Variants in RIBC2 observed in about 807,000 individuals in gnomAD.
The protein encoded by RIBC2 is RIB43A domain with coiled-coils 2, also known as RIB43A-like with coiled-coils protein 2.
A neutral mutation model predicts 44.3 loss-of-function variants in RIBC2; 40 were observed. The ratio of observed to expected loss-of-function variants is 0.90; its 90% CI spans 0.70 to 1.18. The LOEUF (loss-of-function observed/expected upper bound fraction) is 1.18, where lower values mean the gene tolerates loss of function less well. Ranked by LOEUF, RIBC2 falls within the 50% of genes most tolerant of loss-of-function variation. The pLI, the probability that RIBC2 is intolerant of heterozygous loss-of-function variation, is 0.00. For missense variants in RIBC2, 459 were observed against 485.5 expected (o/e 0.95, Z 0.51); for synonymous variants, 171 against 175.0 (o/e 0.98, Z 0.18).
intron 5 of RIBC2, among the ~76,000 whole-genome samples, chr22:45,427,570 A>G (rs574675411): frequency 5.9e-5 from 9 of 152,376 alleles, no homozygotes; most frequent in African/African-American, 2.2e-4. Flanking sequence ...GCAGCTGGAT[A>G]TGTAACATAG....
intron 2 of RIBC2, among the ~76,000 whole-genome samples, chr22:45,417,153 G>A (rs1270853877): frequency 1.3e-5 from 2 of 151,960 alleles, no homozygotes; most frequent in African/African-American, 2.4e-5. Context: ...CGCCCACCTC[G>A]GGCTCCCAAA....
rs945252889 is a variant in RIBC2, at chr22:45,431,036, A to C, written c.1040A>C (p.Asn347Thr). The C allele has an allele frequency of 6.3e-7, 1 of 1,582,364 alleles. No individual in the cohort carries two copies. The highest frequency in any genetic ancestry group is 8.6e-7 in the Non-Finnish European group (1 of 1,164,536). Residue 347 changes from asparagine (N) to threonine (T), a missense_variant, in exon 6 of 7, where the codon AAC (asparagine) becomes ACC (threonine). Coordinates refer to ENST00000614167, the MANE Select transcript of RIBC2 (RefSeq NM_015653.5). The part of the protein sequence containing the change: ...RDLRRALDSS[N>T]LSLAKEQHLQ... ...CTGCGCAGAGCTCTGGACAGCAGCA[A>C]CCTCAGCCTGGCCAAGGAGCAGCAT...
At chr22:45,414,962 C>CT (rs2087406581) in intron 2 of RIBC2, among the ~76,000 whole-genome samples, 1 of 152,100 alleles carries the variant, frequency 6.6e-6, no homozygotes, top group African/African-American at 2.4e-5. Context: ...CACCCTCAAG[C>CT]TGACTCAGAG....
chr22:45,428,873 A>C (rs771478774), intron 5 of RIBC2, among the ~76,000 whole-genome samples: 6 of 152,168 alleles, frequency 3.9e-5, no homozygotes, highest in Non-Finnish European at 8.8e-5. Flanking sequence ...CCCAGAGAGC[A>C]CTGTCAGGGT....
intron 4 of RIBC2, among the ~76,000 whole-genome samples, chr22:45,424,163 A>G (rs2087511872): frequency 1.3e-5 from 2 of 152,170 alleles, no homozygotes; most frequent in East Asian, 1.9e-4. Context: ...CATTGCAAAC[A>G]CTCCTGCACT....
Position 45,426,009 on chromosome 22 carries a change from C to T in RIBC2, c.737C>T (p.Ala246Val). The change falls in exon 5 of 7, where the codon GCC (alanine) becomes GTC (valine). Residue 246 changes from alanine (A) to valine (V), a missense_variant. Ala to Val is a moderately conservative substitution (Grantham distance 64, BLOSUM62 0). Coordinates refer to ENST00000614167, the MANE Select transcript of RIBC2 (RefSeq NM_015653.5). ...EKKQEQEDNL[A>V]EITNLLRGDL... ...AAGCAAGAACAAGAGGACAACTTGG[C>T]CGAGATCACCAACCTCCTGCGTGGG... The T allele has an allele frequency of 6.2e-7, 1 of 1,614,094 alleles. No homozygotes were observed. The highest frequency in any genetic ancestry group is 8.5e-7 in the Non-Finnish European group (1 of 1,180,030).
At chr22:45,416,807 T>C (rs1361378826) in intron 2 of RIBC2, among the ~76,000 whole-genome samples, 2 of 152,054 alleles carry the variant, frequency 1.3e-5, no homozygotes, top group African/African-American at 4.8e-5. Context: ...TGTGTGCCAT[T>C]ATTAGCATTT....
Position 45,413,948 on chromosome 22 carries a change from C to A in RIBC2, c.62C>A (p.Ala21Glu). Residue 21 changes from alanine to glutamate, a missense_variant, in exon 1 of 7, where the codon GCA (alanine) becomes GAA (glutamate). Ala to Glu is a moderately radical substitution (Grantham distance 107). Coordinates refer to ENST00000614167, the MANE Select transcript of RIBC2 (RefSeq NM_015653.5). ...PRDLRQDANL[A>E]KRRHAELCRQ... ...GACTTGCGGCAGGACGCCAACCTGG[C>A]AAAGAGGAGGCACGCGGAGCTGTGC... 1 of 1,551,672 alleles carries A rather than the reference C, an allele frequency of 6.4e-7. No individual in the cohort carries two copies. Among genetic ancestry groups the A allele is most frequent in the Non-Finnish European group, 8.7e-7 (1 of 1,146,978 alleles).
chr22:45,420,875 A>T (rs1334602610), intron 3 of RIBC2, among the ~76,000 whole-genome samples: 1 of 152,190 alleles, frequency 6.6e-6, no homozygotes, highest in Non-Finnish European at 1.5e-5. Context: ...GTCCATTCCC[A>T]AAACAGCAGT....
At chr22:45,415,389 T>C (rs1411693850) in intron 2 of RIBC2, among the ~76,000 whole-genome samples, 2 of 152,070 alleles carry the variant, frequency 1.3e-5, no homozygotes, top group Non-Finnish European at 2.9e-5. Context: ...AGGGATAGAA[T>C]TATGAGTAAA....
chr22:45,415,980 A>G (rs2087421375), intron 2 of RIBC2, among the ~76,000 whole-genome samples: 1 of 152,326 alleles, frequency 6.6e-6, no homozygotes, highest in African/African-American at 2.4e-5. Flanking sequence ...GATTACAGGC[A>G]TGAGCCACCA....
At chr22:45,421,340 A>C in intron 3 of RIBC2, among the ~76,000 whole-genome samples, 1 of 146,898 alleles carries the variant, frequency 6.8e-6, no homozygotes, top group East Asian at 2.0e-4. Flanking sequence ...TATTAATAAT[A>C]ATAATTAAAT....
chr22:45,414,507 AT>A (rs928078590), intron 2 of RIBC2, 104 bp downstream of exon 2: 47 of 698,734 alleles, frequency 6.7e-5, no homozygotes, highest in Non-Finnish European at 8.4e-5. Flanking sequence ...TTTATTTTTT[AT>A]TTTTTTTATT....
rs116476237 is a variant in RIBC2 at position 45,431,038 on chromosome 22, C to T, written c.1042C>T (p.Leu348Phe). The T allele has an allele frequency of 2.2e-3, 3,402 of 1,581,014 alleles. 64 individuals carry two copies. In the African/African-American group the frequency reaches 0.04, roughly 19 times the overall value. Residue 348 changes from leucine (L) to phenylalanine (F), a missense_variant, in exon 6 of 7, where the codon CTC (leucine) becomes TTC (phenylalanine). Coordinates refer to ENST00000614167, the MANE Select transcript of RIBC2 (RefSeq NM_015653.5). ...DLRRALDSSN[L>F]SLAKEQHLQK... The stretch of plus-strand genomic sequence containing the variant: ...GCGCAGAGCTCTGGACAGCAGCAAC[C>T]TCAGCCTGGCCAAGGAGCAGCATTT...
At chr22:45,423,827 G>A (rs1255043053) in intron 4 of RIBC2, among the ~76,000 whole-genome samples, 1 of 152,162 alleles carries the variant, frequency 6.6e-6, no homozygotes, top group Non-Finnish European at 1.5e-5. Flanking sequence ...ACCAAAGAGG[G>A]GAGGCTGTTT....
In RIBC2 at chr22:45,417,837, G is replaced by C; in HGVS notation, c.447G>C (p.Glu149Asp). Reference protein sequence around the residue: ...TISGMQKFMGEDLNFHERKKF... With the variant: ...TISGMQKFMGDDLNFHERKKF... ...CAGGAATGCAGAAATTCATGGGAGA[G>C]GATTTAAACTTCCATGAGAGGAAGA... The change falls in exon 3 of 7, where the codon GAG (glutamate) becomes GAC (aspartate). Residue 149 changes from glutamate to aspartate, a missense_variant. Glu to Asp is a conservative substitution (Grantham distance 45). Transcript: ENST00000614167. The C allele has an allele frequency of 6.2e-7, 1 of 1,614,044 alleles. No homozygotes were observed. Among genetic ancestry groups the C allele is most frequent in the Non-Finnish European group, 8.5e-7 (1 of 1,179,962 alleles).
At chr22:45,415,046 A>G (rs575004021) in intron 2 of RIBC2, among the ~76,000 whole-genome samples, 1 of 152,276 alleles carries the variant, frequency 6.6e-6, no homozygotes, top group African/African-American at 2.4e-5. Flanking sequence ...TCCACTTCAA[A>G]TACAACTTAT....
intron 2 of RIBC2, among the ~76,000 whole-genome samples, chr22:45,416,418 G>A (rs2087425617): frequency 6.6e-6 from 1 of 152,128 alleles, no homozygotes; most frequent in South Asian, 2.1e-4. Flanking sequence ...CGTTGTAAGT[G>A]TACCAAGTTA....
Position 45,417,956 on chromosome 22 carries a change from C to T in RIBC2, c.556+10C>T, listed in dbSNP as rs369364075. 6.4e-7 allele frequency: 1 copy of T among 1,563,932 alleles called. No individual in the cohort carries two copies. The highest frequency in any genetic ancestry group is 8.7e-7 in the Non-Finnish European group (1 of 1,152,974). Reference sequence around the variant, plus strand: ...GAACAAAAATGCGCAGGTAATGAAACAGAAGAGACGAGCTGGTCTCAACGC... The same window carrying T: ...GAACAAAAATGCGCAGGTAATGAAATAGAAGAGACGAGCTGGTCTCAACGC... On this transcript the variant is annotated intron_variant, in intron 3 of 6. Coordinates refer to ENST00000614167, the MANE Select transcript of RIBC2 (RefSeq NM_015653.5).
Sources: allele counts gnomAD v4.1 joint callset (sites outside exome capture counted in the v4.1 genomes callset), GRCh38; gene constraint gnomAD v4.1.1; transcripts MANE v1.5; gene names NCBI Gene and HGNC (gene_info 2026-07-23, HGNC 2026-07-21).